The following AP3B1 variants were observed in gnomAD, a reference collection of about 807,000 sequenced individuals.
The protein encoded by AP3B1 is adaptor related protein complex 3 subunit beta 1, also known as AP-3 complex subunit beta-1.
AP3B1 carries 61 observed loss-of-function variants against 132.5 expected under a neutral mutation model. The ratio of observed to expected loss-of-function variants is 0.46; its 90% confidence interval spans 0.37 to 0.57. AP3B1 has a LOEUF of 0.57. Ranked by LOEUF, AP3B1 falls within the 20% of genes least tolerant of loss-of-function variation. AP3B1 has a pLI of 0.00. For missense variants in AP3B1, 1,120 were observed against 1,289.4 expected (o/e 0.87, Z 2.01); for synonymous variants, 388 against 438.3 (o/e 0.89, Z 1.43).
At position 78,129,199 on chromosome 5, in the gene AP3B1, T is replaced by A. The variant is rs1752588186; in HGVS notation, c.1759A>T (p.Ser587Cys). The A allele has an allele frequency of 6.2e-7, 1 of 1,613,202 alleles. No individual in the cohort carries two copies. The highest frequency in any genetic ancestry group is 8.5e-7 in the Non-Finnish European group (1 of 1,179,392). ...IRQLIVPNVK[S>C]GALSKYAKKI... Reference sequence around the variant, plus strand: ...TTGGCATATTTACTTAAAGCTCCACTCTTTACATTCGGAACAATAAGCTGC... The same window carrying A: ...TTGGCATATTTACTTAAAGCTCCACACTTTACATTCGGAACAATAAGCTGC... The change falls in exon 16 of 27, where the codon AGT (serine) becomes TGT (cysteine). Residue 587 changes from serine to cysteine, a missense_variant. Ser to Cys is a moderately radical substitution (Grantham distance 112). Coordinates refer to ENST00000255194, the MANE Select transcript of AP3B1 (RefSeq NM_003664.5).
chr5:78,113,648 A>G (rs559829850), intron 19 of AP3B1, 104 bp downstream of exon 19: 1 of 1,290,504 alleles, frequency 7.7e-7, no homozygotes, highest in South Asian at 1.2e-5. Context: ...AAAAAAATAC[A>G]CACTTTTTTT....
intron 20 of AP3B1, among the ~76,000 whole-genome samples, chr5:78,109,392 A>C (rs1215433542): frequency 6.6e-6 from 1 of 152,166 alleles, no homozygotes; most frequent in African/African-American, 2.4e-5. Context: ...TCCAGTTAAC[A>C]GAACAAATAA....
chr5:78,019,740 G>T (rs552610980), intron 25 of AP3B1, among the ~76,000 whole-genome samples: 1 of 152,026 alleles, frequency 6.6e-6, no homozygotes, highest in African/African-American at 2.4e-5. Flanking sequence ...AATTGCAAAG[G>T]CTTAGAGTAA....
Position 78,267,556 on chromosome 5 carries a change from A to T in AP3B1, c.168T>A (p.Asp56Glu), listed in dbSNP as rs1274489549. Residue 56 changes from aspartate to glutamate, a missense_variant, in exon 2 of 27, where the codon GAT becomes GAA. Physicochemically the swap from Asp to Glu is conservative, Grantham distance 45. Transcript: ENST00000255194. ...DLKQMLESNKDSAKLDAMKRI... is the reference protein window; with the variant it reads ...DLKQMLESNKESAKLDAMKRI... ...GCTTCATAGCATCCAGTTTAGCAGA[A>T]TCTTTGTTGCTCTCTAACATTTGCT... is the stretch of plus-strand genomic sequence containing the variant. The T allele has an allele frequency of 1.9e-6, 3 of 1,611,518 alleles. No homozygotes were observed. Among genetic ancestry groups the T allele is most frequent in the Middle Eastern group, 1.6e-4 (1 of 6,074 alleles).
At chr5:78,157,775 A>G (rs1243347615) in intron 13 of AP3B1, among the ~76,000 whole-genome samples, 1 of 151,592 alleles carries the variant, frequency 6.6e-6, no homozygotes, top group South Asian at 2.1e-4. Context: ...TTTGAGACAG[A>G]GTCTTGTTCT....
At chr5:78,190,281 C>G (rs1292292178) in intron 7 of AP3B1, among the ~76,000 whole-genome samples, 1 of 152,116 alleles carries the variant, frequency 6.6e-6, no homozygotes, top group East Asian at 1.9e-4. Context: ...GCCATGAGAA[C>G]ATCATGACAC....
At chr5:78,120,454 C>T (rs1170649039) in intron 17 of AP3B1, among the ~76,000 whole-genome samples, 3 of 151,926 alleles carry the variant, frequency 2.0e-5, no homozygotes, top group East Asian at 1.9e-4. Flanking sequence ...ACCCATCTCA[C>T]GTGGAGAGTC....
rs753810749 is a variant in AP3B1 at position 78,039,090 on chromosome 5, T to C, written c.2762A>G (p.Glu921Gly). The C allele has an allele frequency of 1.1e-4, 173 of 1,612,076 alleles. No homozygotes were observed. The highest frequency in any genetic ancestry group is 1.4e-4 in the Non-Finnish European group (160 of 1,178,838). The part of the protein sequence containing the change: ...DRKIENIHIG[E>G]KKLPIGMKMH... ...TTTCATGCCTATAGGAAGTTTTTTT[T>C]CCCCTATGTGGATATTTTCTATCTT... Residue 921 changes from glutamate (E) to glycine (G), a missense_variant, in exon 23 of 27, where the codon GAA (glutamate) becomes GGA (glycine). Glu to Gly is a moderately conservative substitution (Grantham distance 98, BLOSUM62 -2). Around this residue, in one of 3 missense-constraint regions of AP3B1, gnomAD observed 906 missense variants for 997.1 expected, o/e 0.91. Transcript: ENST00000255194.
intron 25 of AP3B1, among the ~76,000 whole-genome samples, 189 bp downstream of exon 25, chr5:78,020,503 T>A (rs1026738327): frequency 6.6e-6 from 1 of 152,094 alleles, no homozygotes; most frequent in African/African-American, 2.4e-5. Context: ...AATTTTCAAG[T>A]ATGCCAGGAA....
At chr5:78,115,683 T>A (rs963450670) in intron 18 of AP3B1, among the ~76,000 whole-genome samples, 3 of 152,178 alleles carry the variant, frequency 2.0e-5, no homozygotes, top group Non-Finnish European at 4.4e-5. Context: ...TAATTTTAGC[T>A]TTATCTCTAT....
rs185637452 is a variant in AP3B1, at chr5:78,211,960, T to C, written c.786+4095A>G. Among the ~76,000 whole-genome samples the C allele has an allele frequency of 3.4e-3, 513 of 152,382 alleles. 16 individuals carry two copies. The highest frequency in any genetic ancestry group is 0.03 in the Admixed American group (454 of 15,306). On this transcript the variant is annotated intron_variant, in intron 7 of 26. Coordinates refer to ENST00000255194, the MANE Select transcript of AP3B1 (RefSeq NM_003664.5). ...ATAAAATGGGTATAATAATTCTGAT[T>C]GCCCTATGGCAAATGGAATACTATG...
intron 2 of AP3B1, among the ~76,000 whole-genome samples, chr5:78,245,109 G>C (rs1747322458): frequency 6.6e-6 from 1 of 152,142 alleles, no homozygotes; most frequent in Non-Finnish European, 1.5e-5. Flanking sequence ...TAAGAGTAAA[G>C]GTGGGGAGCC....
chr5:78,016,739 AC>A (rs1176375693), intron 25 of AP3B1, among the ~76,000 whole-genome samples: 1 of 152,146 alleles, frequency 6.6e-6, no homozygotes, highest in Non-Finnish European at 1.5e-5. Context: ...CTAGCTTCTA[AC>A]AACAAGCATT....
chr5:78,213,524 T>C (rs1052850131), intron 7 of AP3B1, among the ~76,000 whole-genome samples: 1 of 152,214 alleles, frequency 6.6e-6, no homozygotes, highest in East Asian at 1.9e-4. Flanking sequence ...ACTGAACATA[T>C]GTACGTATGT....
Position 78,175,764 on chromosome 5 carries a change from C to G in AP3B1, c.1095+20G>C. On this transcript the variant is annotated intron_variant, in intron 10 of 26. Coordinates refer to ENST00000255194, the MANE Select transcript of AP3B1 (RefSeq NM_003664.5). Reference sequence around the variant, plus strand: ...ATGTGTTCATGTGTCTCTTAAATTACGTGTTCAGAACATACATACCTTTCT... The same window carrying G: ...ATGTGTTCATGTGTCTCTTAAATTAGGTGTTCAGAACATACATACCTTTCT... The G allele has an allele frequency of 6.2e-7, 1 of 1,610,670 alleles. No homozygotes were observed.
chr5:78,133,704 CAAGAT>C (rs1752777785), intron 15 of AP3B1, among the ~76,000 whole-genome samples: 1 of 152,072 alleles, frequency 6.6e-6, no homozygotes, highest in African/African-American at 2.4e-5. Context: ...ACAAATTACA[CAAGAT>C]AAGCAATGAC....
chr5:78,029,808 A>G (rs138880892), intron 24 of AP3B1, among the ~76,000 whole-genome samples: 3 of 152,282 alleles, frequency 2.0e-5, no homozygotes, highest in East Asian at 1.9e-4. Flanking sequence ...AGCTCTGATC[A>G]GGTTTTAATT....
chr5:78,058,445 A>G (rs1748906640), intron 22 of AP3B1, among the ~76,000 whole-genome samples: 1 of 152,064 alleles, frequency 6.6e-6, no homozygotes, highest in Non-Finnish European at 1.5e-5. Context: ...GGTTGCAGTG[A>G]GCCGAGACCG....
At chr5:78,019,554 G>T (rs1415871959) in intron 25 of AP3B1, among the ~76,000 whole-genome samples, 1 of 152,068 alleles carries the variant, frequency 6.6e-6, no homozygotes, top group African/African-American at 2.4e-5. Flanking sequence ...AATTCAATTT[G>T]TCAATAGAAA....
Sources: gnomAD v4.1 joint callset for allele counts (sites outside exome capture counted in the v4.1 genomes callset) on GRCh38, gnomAD v4.1.1 for gene constraint, gnomAD v4.1.1 regional missense constraint, MANE v1.5 for transcripts, NCBI Gene and HGNC (gene_info 2026-07-23, HGNC 2026-07-21) for gene names.